Variants in SNAPC3 observed in about 807,000 individuals in gnomAD.
The protein encoded by SNAPC3 is small nuclear RNA activating complex polypeptide 3.
In SNAPC3, 56 loss-of-function variants were observed where a neutral mutation model predicts 47.7. The observed-to-expected ratio is 1.18, with a 90% CI of 0.95 to 1.47. The LOEUF (loss-of-function observed/expected upper bound fraction) is 1.47. Ranked by LOEUF, SNAPC3 falls within the 40% of genes most tolerant of loss-of-function variation. The pLI, the probability that SNAPC3 is intolerant of heterozygous loss-of-function variation, is 0.00. For missense variants in SNAPC3, 665 were observed against 511.3 expected, an observed-to-expected ratio of 1.30 and a Z score of -2.90; for synonymous variants, 235 against 189.9, an observed-to-expected ratio of 1.24 and a Z score of -1.95.
intron 3 of SNAPC3, among the ~76,000 whole-genome samples, chr9:15,434,944 G>C (rs2032608741): frequency 6.6e-6 from 1 of 152,120 alleles, no homozygotes; most frequent in Admixed American, 6.5e-5. Flanking sequence ...TTTTGCGTCT[G>C]CCCCTAGGAA....
chr9:15,456,855 A>C (rs1489135754), intron 7 of SNAPC3, among the ~76,000 whole-genome samples: 1 of 152,230 alleles, frequency 6.6e-6, no homozygotes, highest in African/African-American at 2.4e-5. Context: ...TTTTTATCTT[A>C]CAGGTGGATT....
downstream of SNAPC3, chr9:15,463,125 A>C (rs2035343127): frequency 1.3e-5 from 2 of 151,790 alleles, no homozygotes; most frequent in African/African-American, 2.4e-5. Flanking sequence ...AATCCCAGTC[A>C]GTTCTCAGAT....
At chr9:15,428,538 G>A (rs576931015) in intron 2 of SNAPC3, among the ~76,000 whole-genome samples, 3 of 150,140 alleles carry the variant, frequency 2.0e-5, no homozygotes, top group African/African-American at 7.3e-5. Flanking sequence ...AAGCCTATAA[G>A]TCTGTACTCC....
intron 2 of SNAPC3, among the ~76,000 whole-genome samples, chr9:15,425,792 G>T (rs2031300657): frequency 6.6e-6 from 1 of 152,194 alleles, no homozygotes; most frequent in East Asian, 1.9e-4. Context: ...ACCTTTTGAT[G>T]TCCCTTAGGC....
chr9:15,461,908 G>A (rs569362134), downstream of SNAPC3: 7 of 152,138 alleles, frequency 4.6e-5, no homozygotes, highest in South Asian at 1.2e-3. Flanking sequence ...TTACTTTCTT[G>A]TATACAACAA....
At position 15,423,201 on chromosome 9, in the gene SNAPC3, C is replaced by A; in HGVS notation, c.314+8C>A. 6.4e-7 allele frequency: 1 copy of A among 1,573,412 alleles called. No homozygotes were observed. The highest frequency in any genetic ancestry group is 1.4e-5 in the African/African-American group (1 of 72,842). Reference sequence around the variant, plus strand: ...GCTGAGGGCGGTGTGCGGGTGAGTGCGGAGCAAAGGGGCTCTTGCAGCTTG... The same window carrying A: ...GCTGAGGGCGGTGTGCGGGTGAGTGAGGAGCAAAGGGGCTCTTGCAGCTTG... On this transcript the variant is annotated splice_region_variant and intron_variant, in intron 1 of 8. Coordinates refer to ENST00000380821, the MANE Select transcript of SNAPC3 (RefSeq NM_001039697.2).
In SNAPC3 at chr9:15,423,790, C is replaced by T. The variant is rs1038857101; in HGVS notation, c.315-119C>T. Reference sequence around the variant, plus strand: ...GTCTTAAGTTCTGGCCTCTCTGAGCCGCCTGCTGGATTTTATCTGACTTCG... The same window carrying T: ...GTCTTAAGTTCTGGCCTCTCTGAGCTGCCTGCTGGATTTTATCTGACTTCG... On this transcript the variant is annotated intron_variant, in intron 1 of 8. Transcript: ENST00000380821. 7.8e-6 allele frequency: 4 copies of T among 513,710 alleles called. No homozygotes were observed. In the African/African-American group the frequency reaches 8.0e-5, roughly 10 times the overall value. The allele number at this position is 513,710 out of a possible 1,614,324, so 31.8% of individuals were successfully genotyped here. A position where few individuals can be genotyped will look rare whatever the true frequency, so the allele number is the denominator to read the frequency against.
At chr9:15,457,016 T>A (rs1436888352) in intron 7 of SNAPC3, among the ~76,000 whole-genome samples, 1 of 152,246 alleles carries the variant, frequency 6.6e-6, no homozygotes, top group Non-Finnish European at 1.5e-5. Flanking sequence ...CAGAAGAATC[T>A]GAAGTCTGTC....
chr9:15,437,574 T>A (rs2032942179), intron 3 of SNAPC3, among the ~76,000 whole-genome samples: 1 of 151,582 alleles, frequency 6.6e-6, no homozygotes, highest in African/African-American at 2.4e-5. Flanking sequence ...GAAAGGGTGT[T>A]AGATTTTGTC....
chr9:15,428,499 A>G (rs113456198), intron 2 of SNAPC3, among the ~76,000 whole-genome samples: 9 of 111,904 alleles, frequency 8.0e-5, no homozygotes, highest in Non-Finnish European at 1.4e-4. Flanking sequence ...ACACAGCGAG[A>G]CTCTGTCTCA....
At chr9:15,426,178 T>C (rs1587141464) in intron 2 of SNAPC3, among the ~76,000 whole-genome samples, 1 of 152,146 alleles carries the variant, frequency 6.6e-6, no homozygotes, top group Non-Finnish European at 1.5e-5. Flanking sequence ...TTTTTTAAGC[T>C]TTCTCTCTGC....
rs949525998 is a variant in SNAPC3 at position 15,422,997 on chromosome 9, C to T, written c.118C>T (p.Arg40Cys). The change falls in exon 1 of 9, where the codon CGC becomes TGC. Residue 40 changes from arginine (R) to cysteine (C), a missense_variant. Coordinates refer to ENST00000380821, the MANE Select transcript of SNAPC3 (RefSeq NM_001039697.2). ...PEYELPELNT[R>C]AFHVGAFGEL... Reference sequence around the variant, plus strand: ...GTATGAGCTTCCCGAGCTAAATACGCGCGCTTTCCATGTGGGCGCCTTTGG... The same window carrying T: ...GTATGAGCTTCCCGAGCTAAATACGTGCGCTTTCCATGTGGGCGCCTTTGG... The T allele has an allele frequency of 5.2e-6, 8 of 1,544,808 alleles. No individual in the cohort carries two copies. The highest frequency in any genetic ancestry group is 6.1e-6 in the Non-Finnish European group (7 of 1,152,746).
downstream of SNAPC3, chr9:15,465,489 C>G (rs1232770202): frequency 2.0e-6 from 3 of 1,488,120 alleles, no homozygotes; most frequent in Non-Finnish European, 2.8e-6. Context: ...ACAAACTTCT[C>G]AAGTGTTCTC....
At position 15,458,013 on chromosome 9, in the gene SNAPC3, A is replaced by G. The variant is rs200828602; in HGVS notation, c.1034A>G (p.Lys345Arg). The G allele has an allele frequency of 2.6e-5, 42 of 1,599,060 alleles. No homozygotes were observed. The Admixed American group carries it at 7.5e-4, about 29-fold the overall frequency. Residue 345 changes from lysine to arginine, a missense_variant, in exon 8 of 9, where the codon AAG (lysine) becomes AGG (arginine). Coordinates refer to ENST00000380821, the MANE Select transcript of SNAPC3 (RefSeq NM_001039697.2). The part of the protein sequence containing the change: ...LDRTLYPLLI[K>R]KHWLWTRKCF... The stretch of plus-strand genomic sequence containing the variant: ...AGGACATTGTATCCCCTCCTTATCA[A>G]GAAGCATTGGCTATGGACCAGAAAA...
intron 8 of SNAPC3, among the ~76,000 whole-genome samples, chr9:15,459,351 A>C (rs1006859372): frequency 2.0e-5 from 3 of 152,200 alleles, no homozygotes; most frequent in African/African-American, 4.8e-5. Context: ...GTAGCATCTA[A>C]TTTTGCCATG....
Position 15,439,156 on chromosome 9 carries a change from T to C in SNAPC3, c.478-5446T>C, listed in dbSNP as rs372252911. On this transcript the variant is annotated intron_variant, in intron 3 of 8. Transcript: ENST00000380821. ...TCCCAAGTAGACAGGACTGTAAACT[T>C]GCGCCACTATGCTGAGTTAAGTTTT... 3.9e-5 allele frequency among the ~76,000 whole-genome samples: 6 copies of C among 152,254 alleles called. No homozygotes were observed. In the East Asian group the frequency reaches 9.7e-4, roughly 25 times the overall value.
At chr9:15,429,906 AC>A (rs2031918563) in intron 2 of SNAPC3, among the ~76,000 whole-genome samples, 1 of 152,210 alleles carries the variant, frequency 6.6e-6, no homozygotes, top group Non-Finnish European at 1.5e-5. Flanking sequence ...ACCAAAGTAT[AC>A]CAAGTAAATG....
Position 15,422,908 on chromosome 9 carries a change from C to A in SNAPC3, c.29C>A (p.Thr10Lys). Reference protein sequence around the residue: MAEGSRGGPTCSGVGGRQDP... With the variant: MAEGSRGGPKCSGVGGRQDP... ...GCTGAAGGAAGCCGAGGTGGCCCTA[C>A]GTGTAGCGGGGTGGGTGGCAGGCAG... The change falls in exon 1 of 9, where the codon ACG (threonine) becomes AAG (lysine). Residue 10 changes from threonine (T) to lysine (K), a missense_variant. Thr to Lys is a moderately conservative substitution (Grantham distance 78, BLOSUM62 -1). Coordinates refer to ENST00000380821, the MANE Select transcript of SNAPC3 (RefSeq NM_001039697.2). 2 of 1,534,898 alleles carry A rather than the reference C, an allele frequency of 1.3e-6. No homozygotes were observed. Among genetic ancestry groups the A allele is most frequent in the Non-Finnish European group, 1.8e-6 (2 of 1,141,476 alleles).
chr9:15,424,764 C>A (rs2031123271), intron 2 of SNAPC3, among the ~76,000 whole-genome samples: 1 of 152,120 alleles, frequency 6.6e-6, no homozygotes, highest in Non-Finnish European at 1.5e-5. Flanking sequence ...AATTTATAGT[C>A]CACTTATTTC....
Sources: allele counts gnomAD v4.1 joint callset (sites outside exome capture counted in the v4.1 genomes callset), GRCh38; gene constraint gnomAD v4.1.1; transcripts MANE v1.5; gene names NCBI Gene and HGNC (gene_info 2026-07-23, HGNC 2026-07-21).